Variants in LARS2 observed in about 807,000 individuals in gnomAD.
LARS2 encodes leucyl-tRNA synthetase 2, mitochondrial, also known as leucine--tRNA ligase, mitochondrial.
LARS2 carries 81 observed loss-of-function variants against 116.6 expected under a neutral mutation model. The observed-to-expected ratio is 0.69, with a 90% CI of 0.58 to 0.84. The LOEUF (loss-of-function observed/expected upper bound fraction) is 0.84. LARS2 is among the 40% of genes least tolerant of loss of function. The pLI, the probability that LARS2 is intolerant of heterozygous loss-of-function variation, is 0.00. For synonymous variants in LARS2, 396 were observed against 407.2 expected (o/e 0.97, Z 0.33); for missense variants, 968 against 1,114.5 (o/e 0.87, Z 1.87).
chr3:45,411,148 C>T (rs962617082), intron 4 of LARS2, among the ~76,000 whole-genome samples: 1 of 152,206 alleles, frequency 6.6e-6, no homozygotes, highest in African/African-American at 2.4e-5. Flanking sequence ...AGATAGTATG[C>T]CTGTCAGTCC....
At chr3:45,463,392 A>G (rs887445169) in intron 8 of LARS2, among the ~76,000 whole-genome samples, 2 of 152,180 alleles carry the variant, frequency 1.3e-5, no homozygotes, top group African/African-American at 4.8e-5. Context: ...ATTGGTGGTT[A>G]TGTTTTCAGG....
In LARS2 at chr3:45,492,412, G is replaced by C. The variant is rs200481438; in HGVS notation, c.1523+612G>C. On this transcript the variant is annotated intron_variant, in intron 13 of 21. Transcript: ENST00000645846. ...ATATCAGCTAATTAAACAAATAGCA[G>C]ATACCAAGTTCCAGTATTTTCCTTC... Among the ~76,000 whole-genome samples the C allele has an allele frequency of 2.6e-5, 4 of 152,344 alleles. No individual in the cohort carries two copies. The East Asian group carries it at 7.7e-4, about 29-fold the overall frequency.
intron 8 of LARS2, among the ~76,000 whole-genome samples, chr3:45,469,610 C>T (rs1699487005): frequency 6.6e-6 from 1 of 151,986 alleles, no homozygotes. Context: ...TCCCAAAGTG[C>T]TGGGATTACA....
chr3:45,417,515 T>C lies in LARS2; in HGVS notation c.397T>C (p.Leu133=). Residue 133 remains leucine, a synonymous_variant, in exon 5 of 22, where the codon TTG becomes CTG. Transcript: ENST00000645846. ...CCCCATGGGATGGGATGCTTTTGGATTGCCTGCTGAAAATGCCGCAGTCGA... is the reference window on the plus strand; with the variant it reads ...CCCCATGGGATGGGATGCTTTTGGACTGCCTGCTGAAAATGCCGCAGTCGA... The part of the protein sequence containing the change: ...INPMGWDAFG[L]PAENAAVERN... 1 of 1,614,180 alleles carries C rather than the reference T, an allele frequency of 6.2e-7. No homozygotes were observed. Among genetic ancestry groups the C allele is most frequent in the Non-Finnish European group, 8.5e-7 (1 of 1,180,002 alleles).
At chr3:45,458,306 G>A (rs1699247427) in intron 7 of LARS2, among the ~76,000 whole-genome samples, 1 of 152,126 alleles carries the variant, frequency 6.6e-6, no homozygotes, top group African/African-American at 2.4e-5. Flanking sequence ...ACTTGCAAGT[G>A]GTTTCTTTAC....
intron 10 of LARS2, among the ~76,000 whole-genome samples, chr3:45,479,418 C>T (rs1699662582): frequency 6.6e-6 from 1 of 151,936 alleles, no homozygotes; most frequent in Non-Finnish European, 1.5e-5. Flanking sequence ...GCCCCCAGAA[C>T]AGCAGGGATC....
chr3:45,526,652 G>C (rs1166368427), intron 20 of LARS2, among the ~76,000 whole-genome samples: 4 of 152,084 alleles, frequency 2.6e-5, no homozygotes, highest in African/African-American at 9.7e-5. Context: ...GGTGACTCGG[G>C]CACAGCGTGT....
chr3:45,400,975 G>A (rs1199897486), intron 4 of LARS2, among the ~76,000 whole-genome samples: 1 of 151,758 alleles, frequency 6.6e-6, no homozygotes, highest in Non-Finnish European at 1.5e-5. Flanking sequence ...CACCACGCCT[G>A]GCTAATTTTT....
chr3:45,491,848 C>A, intron 13 of LARS2, 48 bp downstream of exon 13: 2 of 1,549,316 alleles, frequency 1.3e-6, no homozygotes, highest in Non-Finnish European at 8.8e-7. Context: ...TGGCCCCATA[C>A]CTGCTAGGGC....
At chr3:45,436,046 T>C (rs1218801927) in intron 6 of LARS2, among the ~76,000 whole-genome samples, 2 of 152,212 alleles carry the variant, frequency 1.3e-5, no homozygotes, top group African/African-American at 2.4e-5. Flanking sequence ...GAGTTTTATT[T>C]CTTGTCCGTG....
chr3:45,420,755 T>C (rs1242148478), intron 6 of LARS2, among the ~76,000 whole-genome samples: 5 of 152,134 alleles, frequency 3.3e-5, no homozygotes, highest in Non-Finnish European at 7.4e-5. Context: ...GATGAGAGTG[T>C]TGACTCCTTG....
At chr3:45,524,287 C>A (rs2125759308) in intron 20 of LARS2, among the ~76,000 whole-genome samples, 179 bp downstream of exon 20, 2 of 152,254 alleles carry the variant, frequency 1.3e-5, no homozygotes, top group East Asian at 3.9e-4. Flanking sequence ...CATGGTCACC[C>A]CTACCAAAAG....
chr3:45,519,311 G>A (rs1700415998), intron 18 of LARS2, among the ~76,000 whole-genome samples: 1 of 151,722 alleles, frequency 6.6e-6, no homozygotes, highest in Non-Finnish European at 1.5e-5. Flanking sequence ...CTAACATGGT[G>A]AAACCCCGTT....
intron 4 of LARS2, among the ~76,000 whole-genome samples, chr3:45,408,665 C>T (rs1218936889): frequency 6.6e-6 from 1 of 152,136 alleles, no homozygotes; most frequent in Non-Finnish European, 1.5e-5. Context: ...CTGGGCAGTC[C>T]AGCCTGTTTG....
intron 8 of LARS2, among the ~76,000 whole-genome samples, chr3:45,471,241 A>T (rs1011551209): frequency 8.5e-5 from 13 of 152,242 alleles, no homozygotes; most frequent in African/African-American, 3.1e-4. Context: ...AGCCCTGTTC[A>T]TCAGAAAACA....
intron 18 of LARS2, among the ~76,000 whole-genome samples, chr3:45,519,247 T>C (rs536808962): frequency 3.3e-5 from 5 of 152,100 alleles, no homozygotes; most frequent in African/African-American, 9.6e-5. Context: ...ATCCCAGCAC[T>C]TTGGGAGGCC....
chr3:45,459,505 A>G (rs948116806), intron 8 of LARS2, among the ~76,000 whole-genome samples: 23 of 152,356 alleles, frequency 1.5e-4, no homozygotes, highest in African/African-American at 5.5e-4. Context: ...TCTCATCAAT[A>G]CAATGAGCAG....
At chr3:45,492,881 G>A (rs1309666270) in intron 13 of LARS2, among the ~76,000 whole-genome samples, 1 of 152,194 alleles carries the variant, frequency 6.6e-6, no homozygotes, top group Non-Finnish European at 1.5e-5. Flanking sequence ...TATATAGGAA[G>A]GCCCAGACCA....
intron 21 of LARS2, 36 bp downstream of exon 21, chr3:45,541,992 C>T (rs757133056): frequency 6.2e-7 from 1 of 1,610,336 alleles, no homozygotes; most frequent in Non-Finnish European, 8.5e-7. Context: ...ACCCAGCAGT[C>T]CCTGCCCTGC....
Sources: allele counts gnomAD v4.1 joint callset (sites outside exome capture counted in the v4.1 genomes callset), GRCh38; gene constraint gnomAD v4.1.1; transcripts MANE v1.5; gene names NCBI Gene and HGNC (gene_info 2026-07-23, HGNC 2026-07-21).